Variants in LINGO2 observed in about 807,000 individuals in gnomAD.
LINGO2 encodes leucine-rich repeat and immunoglobulin-like domain-containing nogo receptor-interacting protein 2.
Under a neutral mutation model 30.6 loss-of-function variants are expected in LINGO2, and 14 were observed. The ratio of observed to expected loss-of-function variants is 0.46; its 90% CI spans 0.30 to 0.72. LINGO2 has a LOEUF of 0.72. Among genes scored for constraint, LINGO2 ranks in the 30% least tolerant of loss-of-function variants. LINGO2 has a pLI of 0.07. For missense variants in LINGO2, 729 were observed against 751.7 expected (o/e 0.97, Z 0.35); for synonymous variants, 317 against 288.5 (o/e 1.10, Z -1.00).
At chr9:28,078,443 T>C (rs538427514) in intron 4 of LINGO2, among the ~76,000 whole-genome samples, 1 of 149,032 alleles carries the variant, frequency 6.7e-6, no homozygotes, top group Non-Finnish European at 1.5e-5. Flanking sequence ...TTAAATAGAC[T>C]ATTTTTTTTT....
intron 1 of LINGO2, among the ~76,000 whole-genome samples, chr9:28,536,136 A>G (rs1821428513): frequency 6.6e-6 from 1 of 152,218 alleles, no homozygotes; most frequent in Non-Finnish European, 1.5e-5. Flanking sequence ...TTCTAAAATA[A>G]TAGACATCAG....
the LINGO2 span, among the ~76,000 whole-genome samples, chr9:28,752,318 C>A: frequency 6.6e-6 from 1 of 151,856 alleles, no homozygotes; most frequent in Admixed American, 6.6e-5. Flanking sequence ...AGATACCATG[C>A]ACTGTTAATT....
intron 1 of LINGO2, among the ~76,000 whole-genome samples, chr9:28,558,680 G>A (rs909398945): frequency 3.9e-5 from 6 of 151,998 alleles, no homozygotes; most frequent in East Asian, 1.9e-4. Flanking sequence ...AAAGAGTATC[G>A]TAATGAACAC....
chr9:28,674,950 A>C (rs947164847), upstream of LINGO2, among the ~76,000 whole-genome samples: 1 of 152,152 alleles, frequency 6.6e-6, no homozygotes, highest in Non-Finnish European at 1.5e-5. Flanking sequence ...ACATTGGGGA[A>C]AGACGGTCTC....
At chr9:28,052,621 C>T (rs1824728060) in intron 4 of LINGO2, among the ~76,000 whole-genome samples, 2 of 152,076 alleles carry the variant, frequency 1.3e-5, no homozygotes. Context: ...AAACTTATGT[C>T]ATGGGTCCTC....
the LINGO2 span, chr9:28,888,884 G>A: frequency 1.9e-6 from 1 of 533,848 alleles, no homozygotes; most frequent in Non-Finnish European, 3.8e-6. Flanking sequence ...AAGATTTGTG[G>A]GTGTTCCCGG....
chr9:28,138,486 T>A (rs763803338), intron 4 of LINGO2, among the ~76,000 whole-genome samples: 1 of 152,220 alleles, frequency 6.6e-6, no homozygotes, highest in African/African-American at 2.4e-5. Flanking sequence ...CTTTTTTTTG[T>A]GAGGCCACTT....
intron 4 of LINGO2, among the ~76,000 whole-genome samples, chr9:28,281,257 G>T (rs948260034): frequency 1.3e-5 from 2 of 151,838 alleles, no homozygotes; most frequent in South Asian, 2.1e-4. Flanking sequence ...TGTGTAATTT[G>T]GGAATACTGG....
At chr9:28,462,836 C>T (rs1410508920) in intron 2 of LINGO2, among the ~76,000 whole-genome samples, 1 of 151,818 alleles carries the variant, frequency 6.6e-6, no homozygotes, top group East Asian at 1.9e-4. Flanking sequence ...AGGATTTTTC[C>T]AAGGAACTAT....
the LINGO2 span, among the ~76,000 whole-genome samples, chr9:29,128,469 T>C: frequency 1.3e-5 from 2 of 152,116 alleles, no homozygotes; most frequent in Non-Finnish European, 2.9e-5. Context: ...GGCCCCAATA[T>C]TGTTTGGAAT....
chr9:28,721,436 A>T, the LINGO2 span, among the ~76,000 whole-genome samples: 2 of 152,156 alleles, frequency 1.3e-5, no homozygotes, highest in Admixed American at 6.6e-5. Flanking sequence ...TAGACTGGAT[A>T]AAGAAAATGT....
chr9:28,908,725 T>A, the LINGO2 span, among the ~76,000 whole-genome samples: 1 of 151,868 alleles, frequency 6.6e-6, no homozygotes, highest in Non-Finnish European at 1.5e-5. Flanking sequence ...GTTTTTTAAA[T>A]TAAGTTTTTT....
At chr9:29,080,481 G>C in the LINGO2 span, among the ~76,000 whole-genome samples, 8 of 151,684 alleles carry the variant, frequency 5.3e-5, no homozygotes, top group African/African-American at 1.9e-4. Flanking sequence ...CTTGCCTTCT[G>C]CTAGCTTTTG....
intron 2 of LINGO2, among the ~76,000 whole-genome samples, chr9:28,438,337 G>T (rs1824037579): frequency 6.6e-6 from 1 of 152,108 alleles, no homozygotes; most frequent in African/African-American, 2.4e-5. Context: ...AATTTGTTAA[G>T]GATCCAAATA....
At chr9:27,961,177 A>C (rs1819826925) in intron 5 of LINGO2, among the ~76,000 whole-genome samples, 1 of 152,160 alleles carries the variant, frequency 6.6e-6, no homozygotes, top group African/African-American at 2.4e-5. Context: ...AGGGTAATGT[A>C]AGTGTTGTGA....
At chr9:29,063,041 G>A in the LINGO2 span, among the ~76,000 whole-genome samples, 1 of 152,096 alleles carries the variant, frequency 6.6e-6, no homozygotes, top group African/African-American at 2.4e-5. Flanking sequence ...ATAGCTTTAT[G>A]GTTCAGTAAA....
At chr9:28,991,196 G>A in the LINGO2 span, among the ~76,000 whole-genome samples, 2 of 152,066 alleles carry the variant, frequency 1.3e-5, no homozygotes. Context: ...GAAAGCCATG[G>A]CTCGAGAACT....
chr9:28,450,460 C>T (rs1824605171), intron 2 of LINGO2, among the ~76,000 whole-genome samples: 2 of 152,024 alleles, frequency 1.3e-5, no homozygotes, highest in Admixed American at 1.3e-4. Context: ...GAGGCCAAGG[C>T]CATGATCCTT....
chr9:28,222,532 A>C (rs1453834655), intron 4 of LINGO2, among the ~76,000 whole-genome samples: 3 of 151,522 alleles, frequency 2.0e-5, no homozygotes, highest in African/African-American at 7.3e-5. Flanking sequence ...CAAAATTTAA[A>C]AAAAAAAAGT....
Sources: gnomAD v4.1 joint callset for allele counts (sites outside exome capture counted in the v4.1 genomes callset) on GRCh38, gnomAD v4.1.1 for gene constraint, MANE v1.5 for transcripts, NCBI Gene and HGNC (gene_info 2026-07-23, HGNC 2026-07-21) for gene names.